The following SHMT2 variants were observed in gnomAD, a reference collection of about 807,000 sequenced individuals.
SHMT2 encodes serine hydroxymethyltransferase, mitochondrial.
Under a neutral mutation model 59.6 loss-of-function variants are expected in SHMT2, and 38 were observed. The observed-to-expected ratio is 0.64, with a 90% CI of 0.49 to 0.84. SHMT2 has a LOEUF of 0.84. Ranked by LOEUF, SHMT2 falls within the 40% of genes least tolerant of loss-of-function variation. The probability of loss-of-function intolerance (pLI) is 0.00; values close to 1 mark genes in which losing one functional copy is unlikely to be tolerated. For synonymous variants in SHMT2, 254 were observed against 258.1 expected, an observed-to-expected ratio of 0.98 and a Z score of 0.15; for missense variants, 533 against 659.5, an observed-to-expected ratio of 0.81 and a Z score of 2.10.
rs776267460 is a variant in SHMT2, at chr12:57,233,131, C to T, written c.858-49C>T. 7.3e-6 allele frequency: 11 copies of T among 1,512,044 alleles called. No individual in the cohort carries two copies. In the East Asian group the frequency reaches 2.3e-4, roughly 31 times the overall value. 93.7% of individuals were successfully genotyped at this position (1,512,044 alleles called of 1,614,324 possible). A position where few individuals can be genotyped will look rare whatever the true frequency, so the allele number is the denominator to read the frequency against. ...GCCAGCTTCCTCTGCCTTCTCTGTC[C>T]CTTGTCCTTCTTTTCAGCTTAGACT... On this transcript the variant is annotated intron_variant, in intron 7 of 11. Coordinates refer to ENST00000328923, the MANE Select transcript of SHMT2 (RefSeq NM_005412.6).
intron 9 of SHMT2, 26 bp downstream of exon 9, chr12:57,233,688 G>A (rs1391835217): frequency 6.2e-7 from 1 of 1,613,004 alleles, no homozygotes; most frequent in Admixed American, 1.7e-5. Context: ...ATGGGTGAGG[G>A]CCTCTGTAGC....
chr12:57,231,660 C>CT, intron 3 of SHMT2, 53 bp from the exon 4 acceptor site: 1 of 1,612,080 alleles, frequency 6.2e-7, no homozygotes, highest in South Asian at 1.1e-5. Flanking sequence ...CAGTCCTTTG[C>CT]TGATGGTTGA....
intron 2 of SHMT2, 185 bp downstream of exon 2, chr12:57,231,185 AG>A: frequency 1.5e-6 from 1 of 662,700 alleles, no homozygotes; most frequent in Non-Finnish European, 2.6e-6. Context: ...TGGGACATTT[AG>A]GGAGCCTCCA....
In SHMT2 at chr12:57,233,668, C is replaced by T; in HGVS notation, c.1123+6C>T. The T allele has an allele frequency of 6.2e-7, 1 of 1,613,606 alleles. No homozygotes were observed. The highest frequency in any genetic ancestry group is 8.5e-7 in the Non-Finnish European group (1 of 1,179,650). ...AGGCTACTCACTGGTATCAGGTAAG[C>T]CAGCAGGTGATGGGTGAGGGCCTCT... On this transcript the variant is annotated splice_donor_region_variant and intron_variant, in intron 9 of 11. Transcript: ENST00000328923.
At chr12:57,230,326 T>C in intron 1 of SHMT2, 1 of 1,139,864 alleles carries the variant, frequency 8.8e-7, no homozygotes, top group Non-Finnish European at 1.1e-6. Flanking sequence ...CAGCTCTTCC[T>C]CACGGACTGC....
rs1441245570 is a variant in SHMT2 at position 57,234,343 on chromosome 12, T to C, written c.1497T>C (p.Pro499=). The C allele has an allele frequency of 6.2e-7, 1 of 1,604,522 alleles. No homozygotes were observed. ...VEQFARAFPM[P]GFDEH ...AGTTTGCCAGGGCCTTCCCCATGCC[T>C]GGTTTTGATGAGCATTGAAGGCACC... Residue 499 remains proline (P), a synonymous_variant, in exon 12 of 12, where the codon CCT becomes CCC. Coordinates refer to ENST00000328923, the MANE Select transcript of SHMT2 (RefSeq NM_005412.6).
intron 8 of SHMT2, 35 bp downstream of exon 8, chr12:57,233,380 C>G: frequency 1.9e-6 from 3 of 1,560,020 alleles, no homozygotes; most frequent in Non-Finnish European, 2.6e-6. Context: ...TGTGGGGGGG[C>G]AATGGCCTGG....
At position 57,233,045 on chromosome 12, in the gene SHMT2, C is replaced by T. The variant is rs2136791820; in HGVS notation, c.858-135C>T. The T allele has an allele frequency of 8.0e-6, 10 of 1,254,096 alleles. No homozygotes were observed. In the South Asian group the frequency reaches 1.2e-4, roughly 15 times the overall value. 77.7% of individuals were successfully genotyped at this position (1,254,096 alleles called of 1,614,324 possible). On this transcript the variant is annotated intron_variant, in intron 7 of 11. Transcript: ENST00000328923. ...TGGATGGGATTGAGGGGCTGATTCC[C>T]TCTACCACTGGAATCCAGTGTACCA... is the stretch of plus-strand genomic sequence containing the variant.
chr12:57,229,889 C>A, intron 1 of SHMT2, 78 bp downstream of exon 1: 1 of 1,584,726 alleles, frequency 6.3e-7, no homozygotes, highest in Non-Finnish European at 8.6e-7. Context: ...GTCACAAACT[C>A]TGGGGTTCTC....
At chr12:57,233,092 TG>T (rs2136791988) in intron 7 of SHMT2, 87 bp from the exon 8 acceptor site, 3 of 1,456,086 alleles carry the variant, frequency 2.1e-6, no homozygotes, top group Non-Finnish European at 1.8e-6. Context: ...GCTGTGCCCT[TG>T]GGGCCCAGGT....
chr12:57,233,889 G>C lies in SHMT2; in HGVS notation c.1264G>C (p.Gly422Arg), dbSNP rs2037438871. 1 of 1,614,200 alleles carries C rather than the reference G, an allele frequency of 6.2e-7. No individual in the cohort carries two copies. The highest frequency in any genetic ancestry group is 8.5e-7 in the Non-Finnish European group (1 of 1,180,044). ...CPGDRSAITPGGLRLGAPALT... is the reference protein window; with the variant it reads ...CPGDRSAITPRGLRLGAPALT... ...TGGAGACCGAAGTGCCATCACACCG[G>C]GCGGCCTGCGGCTTGGTGAGACCTG... The change falls in exon 10 of 12, where the codon GGC (glycine) becomes CGC (arginine). Residue 422 changes from glycine (G) to arginine (R), a missense_variant. Gly to Arg is a moderately radical substitution (Grantham distance 125, BLOSUM62 -2). Coordinates refer to ENST00000328923, the MANE Select transcript of SHMT2 (RefSeq NM_005412.6).
chr12:57,231,642 G>A, intron 3 of SHMT2, 71 bp from the exon 4 acceptor site: 1 of 1,611,952 alleles, frequency 6.2e-7, no homozygotes, highest in South Asian at 1.1e-5. Context: ...ATTGAGGAGT[G>A]AACTTCCCAG....
In SHMT2 at chr12:57,233,254, T is replaced by C; in HGVS notation, c.932T>C (p.Phe311Ser). ...ACTGGCCGGGAGATCCCTTACACAT[T>C]TGAGGACCGAATCAACTTTGCCGTG... ...PKTGREIPYT[F>S]EDRINFAVFP... The change falls in exon 8 of 12, where the codon TTT becomes TCT. Residue 311 changes from phenylalanine to serine, a missense_variant. Transcript: ENST00000328923. 6.2e-7 allele frequency: 1 copy of C among 1,609,174 alleles called. No homozygotes were observed. Among genetic ancestry groups the C allele is most frequent in the Non-Finnish European group, 8.5e-7 (1 of 1,177,486 alleles).
At chr12:57,229,843 A>G in intron 1 of SHMT2, 32 bp downstream of exon 1, 1 of 1,613,524 alleles carries the variant, frequency 6.2e-7, no homozygotes, top group Non-Finnish European at 8.5e-7. Flanking sequence ...CTGGGTAATC[A>G]GTGGAAAGGA....
chr12:57,234,440 T>C lies in SHMT2; in HGVS notation c.*79T>C. On this transcript the variant is annotated 3_prime_UTR_variant, in exon 12 of 12. Transcript: ENST00000328923. The stretch of plus-strand genomic sequence containing the variant: ...CTGGGCCAGTGAAATAGAAAGCCTT[T>C]CTATTTTTTGGTGCGGGAGGGAAGA... 1 of 1,478,478 alleles carries C rather than the reference T, an allele frequency of 6.8e-7. No individual in the cohort carries two copies. Among genetic ancestry groups the C allele is most frequent in the African/African-American group, 1.4e-5 (1 of 71,102 alleles). The allele number at this position is 1,478,478 out of a possible 1,614,324, so 91.6% of individuals were successfully genotyped here.
At chr12:57,233,963 C>T in intron 10 of SHMT2, 40 bp from the exon 11 acceptor site, 2 of 1,614,070 alleles carry the variant, frequency 1.2e-6, no homozygotes, top group Non-Finnish European at 1.7e-6. Flanking sequence ...GCCAGGTGAC[C>T]TTGGGCTATG....
At chr12:57,229,938 C>CGGA in intron 1 of SHMT2, 127 bp downstream of exon 1, 1 of 1,489,820 alleles carries the variant, frequency 6.7e-7, no homozygotes, top group Non-Finnish European at 9.0e-7. Flanking sequence ...CCTCAGGGAG[C>CGGA]GGACGTGTAA....
In SHMT2 at chr12:57,234,788, A is replaced by G. The variant is rs371580524; in HGVS notation, c.*427A>G. 1.1e-4 allele frequency: 18 copies of G among 161,958 alleles called. No homozygotes were observed. In the East Asian group the frequency reaches 1.7e-3, roughly 15 times the overall value. The allele number at this position is 161,958 out of a possible 1,614,324, so 10.0% of individuals were successfully genotyped here. Reference sequence around the variant, plus strand: ...GCCAAACAGTGATTTGTCTCCCTCAATGTGTACACCGCTCCGCTCCCACCA... The same window carrying G: ...GCCAAACAGTGATTTGTCTCCCTCAGTGTGTACACCGCTCCGCTCCCACCA... On this transcript the variant is annotated 3_prime_UTR_variant, in exon 12 of 12. Coordinates refer to ENST00000328923, the MANE Select transcript of SHMT2 (RefSeq NM_005412.6).
intron 2 of SHMT2, 169 bp downstream of exon 2, chr12:57,231,169 T>C: frequency 2.8e-6 from 2 of 712,050 alleles, no homozygotes. Context: ...GTCCAGTTTA[T>C]GGGGTTGGGA....
Sources: gnomAD v4.1 joint callset for allele counts on GRCh38, gnomAD v4.1.1 for gene constraint, MANE v1.5 for transcripts, NCBI Gene and HGNC (gene_info 2026-07-23, HGNC 2026-07-21) for gene names.